NUDT3: variants seen among roughly 807,000 people sequenced by gnomAD.
NUDT3 encodes nudix hydrolase 3.
In NUDT3, 9 loss-of-function variants were observed where a neutral mutation model predicts 23.6. That is an observed-to-expected ratio of 0.38 (90% confidence interval 0.23 to 0.66). The LOEUF (loss-of-function observed/expected upper bound fraction) is 0.66, where lower values mean the gene tolerates loss of function less well. Ranked by LOEUF, NUDT3 falls within the 30% of genes least tolerant of loss-of-function variation. The pLI is 0.52. For missense variants in NUDT3, 172 were observed against 218.5 expected (o/e 0.79, Z 1.34); for synonymous variants, 86 against 82.6 (o/e 1.04, Z -0.22).
intron 1 of NUDT3, among the ~76,000 whole-genome samples, chr6:34,350,303 C>T (rs1479164169): frequency 6.6e-6 from 1 of 150,614 alleles, no homozygotes; most frequent in East Asian, 1.9e-4. Flanking sequence ...TGCCAGAGTG[C>T]TCTGCTGGTA....
chr6:34,306,725 C>T (rs1175210994), intron 2 of NUDT3, among the ~76,000 whole-genome samples: 2 of 152,186 alleles, frequency 1.3e-5, no homozygotes, highest in Non-Finnish European at 2.9e-5. Context: ...TACACTTAGC[C>T]ACTAAACTTA....
intron 1 of NUDT3, among the ~76,000 whole-genome samples, chr6:34,349,968 T>C (rs1764441965): frequency 6.7e-6 from 1 of 149,830 alleles, no homozygotes; most frequent in African/African-American, 2.5e-5. Flanking sequence ...CGGGTGCCTG[T>C]AGTCCCAGCT....
chr6:34,389,194 A>T (rs1765155936), intron 1 of NUDT3, among the ~76,000 whole-genome samples: 1 of 152,130 alleles, frequency 6.6e-6, no homozygotes, highest in Non-Finnish European at 1.5e-5. Context: ...CCATGTGTTG[A>T]GTGAGGGAGG....
chr6:34,299,462 A>AGG (rs1763564485), intron 2 of NUDT3, among the ~76,000 whole-genome samples: 1 of 151,856 alleles, frequency 6.6e-6, no homozygotes, highest in Non-Finnish European at 1.5e-5. Flanking sequence ...ACAGGGTCTC[A>AGG]CTCTGTCGCC....
intron 2 of NUDT3, among the ~76,000 whole-genome samples, chr6:34,299,018 A>C (rs1763556929): frequency 6.6e-6 from 1 of 152,220 alleles, no homozygotes; most frequent in Admixed American, 6.5e-5. Context: ...GCTTACCTTA[A>C]CTATCTTACT....
intron 2 of NUDT3, among the ~76,000 whole-genome samples, chr6:34,306,007 T>C (rs1004361391): frequency 2.0e-5 from 3 of 152,218 alleles, no homozygotes; most frequent in African/African-American, 7.2e-5. Flanking sequence ...GGGTGGAAGC[T>C]TCTCTCTCAA....
At chr6:34,338,682 T>A (rs1201775738) in intron 2 of NUDT3, among the ~76,000 whole-genome samples, 3 of 152,188 alleles carry the variant, frequency 2.0e-5, no homozygotes, top group African/African-American at 7.2e-5. Flanking sequence ...GTCTGCCTGA[T>A]TAAACTACTG....
chr6:34,342,663 C>T (rs896849587), intron 1 of NUDT3, among the ~76,000 whole-genome samples: 1 of 152,162 alleles, frequency 6.6e-6, no homozygotes, highest in African/African-American at 2.4e-5. Flanking sequence ...CCTTACTTAC[C>T]CCTCTCTGTA....
chr6:34,310,842 G>A (rs548560426), intron 2 of NUDT3, among the ~76,000 whole-genome samples: 16 of 152,150 alleles, frequency 1.1e-4, no homozygotes, highest in Non-Finnish European at 1.8e-4. Flanking sequence ...AGGCTGGTTC[G>A]ATGTTCAATA....
chr6:34,354,445 G>C (rs924399514), intron 1 of NUDT3, among the ~76,000 whole-genome samples: 3 of 133,458 alleles, frequency 2.2e-5, no homozygotes, highest in Non-Finnish European at 4.9e-5. Context: ...ACTCTTGGCC[G>C]GGCACAGTGG....
intron 2 of NUDT3, among the ~76,000 whole-genome samples, chr6:34,328,540 T>G (rs1331171810): frequency 2.0e-5 from 3 of 152,250 alleles, no homozygotes; most frequent in African/African-American, 7.2e-5. Flanking sequence ...CTTTTTTTGT[T>G]GTTAACAAGG....
chr6:34,385,469 G>T lies in NUDT3; in HGVS notation c.99+6795C>A, dbSNP rs568148424. 9.2e-5 allele frequency among the ~76,000 whole-genome samples: 14 copies of T among 152,260 alleles called. No homozygotes were observed. The South Asian group carries it at 1.7e-3, about 18-fold the overall frequency. On this transcript the variant is annotated intron_variant, in intron 1 of 4. Transcript: ENST00000607016. ...TATTTGGTAATCTTTGTAGGGCCAA[G>T]ATCTTGTTTTGTTTTGTTTGTTTGA... is the stretch of plus-strand genomic sequence containing the variant.
At chr6:34,340,686 T>C (rs1211236207) in intron 2 of NUDT3, among the ~76,000 whole-genome samples, 1 of 152,242 alleles carries the variant, frequency 6.6e-6, no homozygotes, top group Non-Finnish European at 1.5e-5. Context: ...AGGGTATTTC[T>C]TCAGCATCTG....
chr6:34,342,166 C>A (rs184472397), intron 1 of NUDT3, among the ~76,000 whole-genome samples, 194 bp from the exon 2 acceptor site: 2 of 151,882 alleles, frequency 1.3e-5, no homozygotes, highest in Non-Finnish European at 2.9e-5. Context: ...AGCAGAAGGG[C>A]ATCTGAAGGC....
At chr6:34,386,607 G>C (rs1200021234) in intron 1 of NUDT3, among the ~76,000 whole-genome samples, 1 of 152,082 alleles carries the variant, frequency 6.6e-6, no homozygotes, top group African/African-American at 2.4e-5. Context: ...AGAATGATAG[G>C]TTTGGCTACC....
Position 34,295,734 on chromosome 6 carries a change from G to A in NUDT3, c.211-49C>T, listed in dbSNP as rs376670121. The A allele has an allele frequency of 4.2e-5, 67 of 1,604,884 alleles. No homozygotes were observed. The African/African-American group carries it at 8.0e-4, about 19-fold the overall frequency. The stretch of plus-strand genomic sequence containing the variant: ...ATGCACTGATAGTATTATATTGCTG[G>A]TCTCATTCTGAGTCTTCTTAAGCAG... On this transcript the variant is annotated intron_variant, in intron 2 of 4. Transcript: ENST00000607016.
chr6:34,305,443 G>A (rs1420938758), intron 2 of NUDT3, among the ~76,000 whole-genome samples: 2 of 151,860 alleles, frequency 1.3e-5, no homozygotes, highest in East Asian at 1.9e-4. Flanking sequence ...ATTTATTTCT[G>A]TCTTCCTATT....
intron 2 of NUDT3, among the ~76,000 whole-genome samples, chr6:34,332,798 G>A (rs1268661173): frequency 6.6e-6 from 1 of 152,110 alleles, no homozygotes; most frequent in African/African-American, 2.4e-5. Flanking sequence ...TCCTGTTTCT[G>A]TTTTTGGATG....
intron 1 of NUDT3, among the ~76,000 whole-genome samples, chr6:34,378,850 A>G (rs960648212): frequency 6.6e-6 from 1 of 152,218 alleles, no homozygotes; most frequent in African/African-American, 2.4e-5. Context: ...AGAAAAATCA[A>G]TCATTCAATA....
Sources: gnomAD v4.1 joint callset for allele counts (sites outside exome capture counted in the v4.1 genomes callset) on GRCh38, gnomAD v4.1.1 for gene constraint, MANE v1.5 for transcripts, NCBI Gene and HGNC (gene_info 2026-07-23, HGNC 2026-07-21) for gene names.